Variants in CCSER1 observed in about 807,000 individuals in gnomAD.
CCSER1 encodes the protein serine-rich coiled-coil domain-containing protein 1.
Under a neutral mutation model 82.0 loss-of-function variants are expected in CCSER1, and 41 were observed. That is an observed-to-expected ratio of 0.50 (90% CI 0.39 to 0.65). The LOEUF is 0.65. Ranked by LOEUF, CCSER1 falls within the 30% of genes least tolerant of loss-of-function variation. The pLI, the probability that CCSER1 is intolerant of heterozygous loss-of-function variation, is 0.00. For missense variants in CCSER1, 1,119 were observed against 1,064.2 expected, an observed-to-expected ratio of 1.05 and a Z score of -0.72; for synonymous variants, 414 against 383.9, an observed-to-expected ratio of 1.08 and a Z score of -0.92.
intron 9 of CCSER1, among the ~76,000 whole-genome samples, chr4:90,928,340 A>T (rs1467060891): frequency 6.6e-6 from 1 of 152,052 alleles, no homozygotes; most frequent in Non-Finnish European, 1.5e-5. Context: ...GTCACATCTT[A>T]TCCAGTGGTA....
intron 10 of CCSER1, among the ~76,000 whole-genome samples, chr4:91,484,485 A>G (rs1758114890): frequency 6.6e-6 from 1 of 152,216 alleles, no homozygotes; most frequent in African/African-American, 2.4e-5. Flanking sequence ...TGGCTTCTAT[A>G]GCATATTTGA....
Position 91,545,548 on chromosome 4 carries a change from T to C in CCSER1, c.2218-53024T>C, listed in dbSNP as rs77251445. ...CTAAGTATCTAATTTTTGTGGATGC[T>C]AATATAAATAGTAATGTGTTCTTAA... is the stretch of plus-strand genomic sequence containing the variant. On this transcript the variant is annotated intron_variant, in intron 10 of 10. Coordinates refer to ENST00000509176, the MANE Select transcript of CCSER1 (RefSeq NM_001145065.2). Among the ~76,000 whole-genome samples, 602 of 152,300 alleles carry C rather than the reference T, an allele frequency of 4.0e-3. 10 individuals carry two copies. In the East Asian group the frequency reaches 0.059, roughly 15 times the overall value.
At chr4:90,654,452 C>G (rs1729340220) in intron 6 of CCSER1, among the ~76,000 whole-genome samples, 2 of 151,698 alleles carry the variant, frequency 1.3e-5, no homozygotes, top group East Asian at 1.9e-4. Flanking sequence ...TTAATTTTTT[C>G]TTATATATGC....
At chr4:90,959,420 C>A (rs1733836454) in intron 9 of CCSER1, among the ~76,000 whole-genome samples, 1 of 152,122 alleles carries the variant, frequency 6.6e-6, no homozygotes, top group Non-Finnish European at 1.5e-5. Context: ...CCAGTAAATT[C>A]TTATATAAAC....
At chr4:91,170,062 T>C (rs1010761268) in intron 10 of CCSER1, among the ~76,000 whole-genome samples, 2 of 152,180 alleles carry the variant, frequency 1.3e-5, no homozygotes, top group African/African-American at 4.8e-5. Flanking sequence ...TCTGCTTCTG[T>C]AGGAAGCAGA....
chr4:91,596,642 C>T (rs1025753000), intron 10 of CCSER1, among the ~76,000 whole-genome samples: 1 of 151,902 alleles, frequency 6.6e-6, no homozygotes. Context: ...TCCCAAATGA[C>T]GAAAATGGAA....
intron 8 of CCSER1, among the ~76,000 whole-genome samples, chr4:90,905,528 G>A (rs1704940478): frequency 6.6e-6 from 1 of 151,826 alleles, no homozygotes; most frequent in South Asian, 2.1e-4. Context: ...TCTTCACTAA[G>A]GCCCACCATG....
At chr4:91,382,182 C>T (rs1357484921) in intron 10 of CCSER1, among the ~76,000 whole-genome samples, 1 of 152,178 alleles carries the variant, frequency 6.6e-6, no homozygotes, top group East Asian at 1.9e-4. Flanking sequence ...GGGTTCCTCC[C>T]AGTTAGGCCA....
intron 1 of CCSER1, among the ~76,000 whole-genome samples, chr4:90,248,511 C>G (rs573887652): frequency 6.6e-6 from 1 of 152,112 alleles, no homozygotes; most frequent in South Asian, 2.1e-4. Context: ...GCTTCAAAAG[C>G]TTGGGCACTT....
At chr4:90,843,525 A>G (rs1160307612) in intron 8 of CCSER1, among the ~76,000 whole-genome samples, 1 of 152,150 alleles carries the variant, frequency 6.6e-6, no homozygotes, top group Non-Finnish European at 1.5e-5. Flanking sequence ...CATTCTTCAG[A>G]TTAATTTTTT....
rs561278518 is a variant in CCSER1, at chr4:91,223,400, T to C, written c.2217+137406T>C. On this transcript the variant is annotated intron_variant, in intron 10 of 10. Transcript: ENST00000509176. ...AAAAACATGTAGGCAATCTTTTTGG[T>C]CTCTAGAAGTCGGTTTAAAAGGTAC... 1.4e-4 allele frequency among the ~76,000 whole-genome samples: 21 copies of C among 152,142 alleles called. No individual in the cohort carries two copies. The South Asian group carries it at 3.9e-3, about 29-fold the overall frequency.
chr4:90,929,883 CA>C (rs1271624138), intron 9 of CCSER1, among the ~76,000 whole-genome samples: 1 of 151,804 alleles, frequency 6.6e-6, no homozygotes, highest in East Asian at 1.9e-4. Flanking sequence ...TGTCTCACTA[CA>C]AAAAAAGATA....
chr4:91,209,749 A>G (rs935634906), intron 10 of CCSER1, among the ~76,000 whole-genome samples: 8 of 151,478 alleles, frequency 5.3e-5, no homozygotes, highest in Admixed American at 2.0e-4. Flanking sequence ...GGAGGAGTCA[A>G]TTTCAGAGCT....
intron 9 of CCSER1, among the ~76,000 whole-genome samples, chr4:91,073,212 A>G (rs1326718195): frequency 6.6e-6 from 1 of 152,110 alleles, no homozygotes; most frequent in Non-Finnish European, 1.5e-5. Flanking sequence ...ATTTCAATAG[A>G]TTTTAGCCCA....
intron 7 of CCSER1, chr4:90,780,602 T>C: frequency 6.8e-7 from 1 of 1,470,366 alleles, no homozygotes; most frequent in Non-Finnish European, 8.9e-7. Context: ...GGAAAAGAAA[T>C]AGGCAAAGGA....
chr4:90,830,137 C>T (rs191493685), intron 8 of CCSER1, among the ~76,000 whole-genome samples: 1 of 152,224 alleles, frequency 6.6e-6, no homozygotes, highest in East Asian at 1.9e-4. Flanking sequence ...TCTAGTGAGT[C>T]GGGGAGAGAC....
At chr4:90,272,419 A>C (rs756887293) in intron 1 of CCSER1, among the ~76,000 whole-genome samples, 9 of 152,180 alleles carry the variant, frequency 5.9e-5, no homozygotes, top group Non-Finnish European at 1.0e-4. Context: ...AAATGCAGAC[A>C]AGGATGTGGA....
intron 10 of CCSER1, among the ~76,000 whole-genome samples, chr4:91,102,787 A>G (rs1426573115): frequency 6.6e-6 from 1 of 152,188 alleles, no homozygotes; most frequent in African/African-American, 2.4e-5. Context: ...AGAAAATACT[A>G]CTCCAGATGG....
chr4:90,243,856 T>C (rs1319257572), intron 1 of CCSER1, among the ~76,000 whole-genome samples: 3 of 152,072 alleles, frequency 2.0e-5, no homozygotes, highest in Admixed American at 6.5e-5. Flanking sequence ...TTTTTTTTTT[T>C]CGCTGTTGTA....
Sources: allele counts gnomAD v4.1 joint callset (sites outside exome capture counted in the v4.1 genomes callset), GRCh38; gene constraint gnomAD v4.1.1; transcripts MANE v1.5; gene names NCBI Gene and HGNC (gene_info 2026-07-23, HGNC 2026-07-21).